Variants in EPHA4 observed in about 807,000 individuals in gnomAD.
The protein encoded by EPHA4 is EPH receptor A4.
A neutral mutation model predicts 108.3 loss-of-function variants in EPHA4; 19 were observed. The ratio of observed to expected loss-of-function variants is 0.18; its 90% CI spans 0.12 to 0.26. The LOEUF (loss-of-function observed/expected upper bound fraction) is 0.26. Ranked by LOEUF, EPHA4 falls within the 10% of genes least tolerant of loss-of-function variation. The probability of loss-of-function intolerance (pLI) is 1.00; values close to 1 mark genes in which losing one functional copy is unlikely to be tolerated. For synonymous variants in EPHA4, 449 were observed against 455.5 expected, an observed-to-expected ratio of 0.99 and a Z score of 0.18; for missense variants, 917 against 1,254.0, an observed-to-expected ratio of 0.73 and a Z score of 4.06.
chr2:221,445,272 A>G (rs1281510567), intron 9 of EPHA4, among the ~76,000 whole-genome samples: 1 of 152,152 alleles, frequency 6.6e-6, no homozygotes. Flanking sequence ...TCTCCTGGAT[A>G]GTCACCAACC....
chr2:221,569,241 T>A (rs556129361), intron 1 of EPHA4, among the ~76,000 whole-genome samples: 17 of 152,254 alleles, frequency 1.1e-4, no homozygotes, highest in African/African-American at 3.6e-4. Context: ...TATCAGAGAG[T>A]ATCCTATCCA....
chr2:221,418,843 G>A lies in EPHA4; in HGVS notation c.*2529C>T, dbSNP rs1689661958. On this transcript the variant is annotated 3_prime_UTR_variant, in exon 18 of 18. Transcript: ENST00000281821. ...ACCTCTGGAAAAGATGAACTGCTCAGAAGAGTCAACCTCATTTCTTTATAC... is the reference window on the plus strand; with the variant it reads ...ACCTCTGGAAAAGATGAACTGCTCAAAAGAGTCAACCTCATTTCTTTATAC... The A allele has an allele frequency of 6.6e-6, 1 of 152,574 alleles. No homozygotes were observed. The highest frequency in any genetic ancestry group is 2.4e-5 in the African/African-American group (1 of 41,420). The allele number at this position is 152,574 out of a possible 1,614,324, so 9.5% of individuals were successfully genotyped here.
In EPHA4 at chr2:221,557,107, A is replaced by C. The variant is rs117888320; in HGVS notation, c.823+6624T>G. On this transcript the variant is annotated intron_variant, in intron 3 of 17. Transcript: ENST00000281821. ...AGGCAAATAACATCTTAGTGTTATT[A>C]AGAAAGTTTTGACCTTGCAGACCAC... 1.8e-4 allele frequency among the ~76,000 whole-genome samples: 27 copies of C among 152,366 alleles called. 2 individuals carry two copies. The East Asian group carries it at 5.2e-3, about 29-fold the overall frequency.
chr2:221,523,720 G>A lies in EPHA4; in HGVS notation c.824-22548C>T, dbSNP rs1693240609. ...GAAATTCTCCTGCTTCAGCCTTCTG[G>A]GTAGCTGAGATTACAGACGTGTGCC... On this transcript the variant is annotated intron_variant, in intron 3 of 17. Transcript: ENST00000281821. Among the ~76,000 whole-genome samples the A allele has an allele frequency of 4.6e-5, 7 of 150,760 alleles. 1 individual carries two copies. In the Admixed American group the frequency reaches 4.7e-4, roughly 10 times the overall value.
At chr2:221,428,184 A>C (rs920876010) in intron 15 of EPHA4, among the ~76,000 whole-genome samples, 1 of 152,242 alleles carries the variant, frequency 6.6e-6, no homozygotes, top group Non-Finnish European at 1.5e-5. Context: ...AGCATTAATG[A>C]GGAAGATGTA....
chr2:221,443,643 T>C (rs1293481078), intron 9 of EPHA4, 37 bp from the exon 10 acceptor site: 1 of 1,459,730 alleles, frequency 6.9e-7, no homozygotes, highest in African/African-American at 1.4e-5. Context: ...TGAATACTTC[T>C]AAGGAACCAC....
At chr2:221,561,448 CA>C (rs1310596722) in intron 3 of EPHA4, among the ~76,000 whole-genome samples, 1 of 151,742 alleles carries the variant, frequency 6.6e-6, no homozygotes, top group African/African-American at 2.4e-5. Flanking sequence ...ATAACAAAAA[CA>C]AAAAACAAAA....
intron 7 of EPHA4, among the ~76,000 whole-genome samples, chr2:221,456,342 C>T (rs548923988): frequency 6.6e-6 from 1 of 152,198 alleles, no homozygotes; most frequent in East Asian, 1.9e-4. Flanking sequence ...ATTTTTCATG[C>T]TTTCTAGAAG....
At position 221,498,289 on chromosome 2, in the gene EPHA4, AT is replaced by A. The variant is rs1392774404; in HGVS notation, c.979+2727del. On this transcript the variant is annotated intron_variant, in intron 4 of 17. Coordinates refer to ENST00000281821, the MANE Select transcript of EPHA4 (RefSeq NM_004438.5). ...TCAACCTAGAGAAGGCTTTATCTGC[AT>A]GGAAAGTAAGTGGGGGAGTACATGA... Among the ~76,000 whole-genome samples, 13 of 152,328 alleles carry A rather than the reference AT, an allele frequency of 8.5e-5. No homozygotes were observed. In the South Asian group the frequency reaches 1.9e-3, roughly 22 times the overall value.
intron 3 of EPHA4, among the ~76,000 whole-genome samples, chr2:221,517,783 C>CA (rs563726760): frequency 6.6e-5 from 10 of 152,306 alleles, no homozygotes; most frequent in Middle Eastern, 3.4e-3. Context: ...TCAAGAATGC[C>CA]ACCCGCATGT....
intron 3 of EPHA4, among the ~76,000 whole-genome samples, chr2:221,557,303 A>G (rs181631014): frequency 6.6e-6 from 1 of 151,760 alleles, no homozygotes; most frequent in East Asian, 1.9e-4. Flanking sequence ...CAAACAAAAA[A>G]CTCTCTACTC....
intron 3 of EPHA4, among the ~76,000 whole-genome samples, chr2:221,521,570 CGTAA>C (rs1374280208): frequency 2.0e-5 from 3 of 152,030 alleles, no homozygotes; most frequent in African/African-American, 7.3e-5. Context: ...CTGCCAAAAG[CGTAA>C]GTGTCACAGG....
intron 3 of EPHA4, among the ~76,000 whole-genome samples, chr2:221,559,811 GGCT>G (rs1694406045): frequency 1.3e-5 from 2 of 152,216 alleles, no homozygotes; most frequent in South Asian, 4.2e-4. Context: ...AAGTTCAAAG[GGCT>G]GCTAACTCCT....
intron 3 of EPHA4, among the ~76,000 whole-genome samples, chr2:221,552,400 C>T (rs1282956672): frequency 2.6e-5 from 4 of 152,150 alleles, no homozygotes; most frequent in Admixed American, 2.0e-4. Context: ...AGCGGAGAAG[C>T]GATCTGGGCA....
intron 3 of EPHA4, among the ~76,000 whole-genome samples, chr2:221,514,091 G>A (rs950536605): frequency 1.4e-5 from 1 of 70,288 alleles, no homozygotes; most frequent in Non-Finnish European, 2.6e-5. Flanking sequence ...TGTAAGCCGG[G>A]GGGAGGGGGT....
At chr2:221,446,812 A>T (rs993726983) in intron 8 of EPHA4, among the ~76,000 whole-genome samples, 9 of 152,158 alleles carry the variant, frequency 5.9e-5, no homozygotes, top group African/African-American at 2.2e-4. Flanking sequence ...TTTGTACTGA[A>T]TTATGTTCCC....
chr2:221,465,407 A>T (rs533606542), intron 5 of EPHA4, among the ~76,000 whole-genome samples: 12 of 152,266 alleles, frequency 7.9e-5, no homozygotes, highest in African/African-American at 2.9e-4. Flanking sequence ...ACAGAGAGCT[A>T]TTGGTTAAAT....
At chr2:221,447,821 T>TTTTTTTTATTTATTTATTTATTTA (rs1553570841) in intron 8 of EPHA4, among the ~76,000 whole-genome samples, 1 of 147,560 alleles carries the variant, frequency 6.8e-6, no homozygotes, top group Non-Finnish European at 1.5e-5. Context: ...AAGGGTCTAT[T>TTTTTTTTATTTATTTATTTATTTA]TTTATTTATT....
Position 221,442,863 on chromosome 2 carries a change from C to T in EPHA4, c.2040G>A (p.Pro680=), listed in dbSNP as rs113258181. ...CCACGCCTTCCAAGTGAATGATGTT[C>T]GGATGGTCAAACTGTCCCATGATGC... ...EASIMGQFDH[P]NIIHLEGVVT... is the part of the protein sequence containing the mutation. The change falls in exon 11 of 18, where the codon CCG becomes CCA. Residue 680 remains proline (P), a synonymous_variant. Transcript: ENST00000281821. 1.4e-5 allele frequency: 23 copies of T among 1,614,126 alleles called. No homozygotes were observed. The highest frequency in any genetic ancestry group is 1.3e-4 in the African/African-American group (10 of 75,018).
Sources: allele counts gnomAD v4.1 joint callset (sites outside exome capture counted in the v4.1 genomes callset), GRCh38; gene constraint gnomAD v4.1.1; transcripts MANE v1.5; gene names NCBI Gene and HGNC (gene_info 2026-07-23, HGNC 2026-07-21).